Variants in UIMC1 observed in about 807,000 individuals in gnomAD.
UIMC1 encodes BRCA1-A complex subunit RAP80.
Under a neutral mutation model 84.9 loss-of-function variants are expected in UIMC1, and 42 were observed. That is an observed-to-expected ratio of 0.49 (90% CI 0.39 to 0.64). The LOEUF (loss-of-function observed/expected upper bound fraction) is 0.64, where lower values mean the gene tolerates loss of function less well. Among genes scored for constraint, UIMC1 ranks in the 30% least tolerant of loss-of-function variants. The probability of loss-of-function intolerance (pLI) is 0.00; values close to 1 mark genes in which losing one functional copy is unlikely to be tolerated. For synonymous variants in UIMC1, 281 were observed against 293.0 expected, an observed-to-expected ratio of 0.96 and a Z score of 0.42; for missense variants, 825 against 847.6, an observed-to-expected ratio of 0.97 and a Z score of 0.33.
intron 10 of UIMC1, among the ~76,000 whole-genome samples, chr5:176,942,929 G>C (rs1764619666): frequency 6.6e-6 from 1 of 152,066 alleles, no homozygotes; most frequent in African/African-American, 2.4e-5. Flanking sequence ...AGGCATGGTG[G>C]CGCAAGCCTG....
intron 10 of UIMC1, among the ~76,000 whole-genome samples, chr5:176,920,775 T>A (rs1416255397): frequency 6.6e-6 from 1 of 152,234 alleles, no homozygotes; most frequent in Non-Finnish European, 1.5e-5. Flanking sequence ...TTTTATTTCA[T>A]CTCTTTCCTA....
In UIMC1 at chr5:176,955,909, A is replaced by G; in HGVS notation, c.1339+50T>C. The G allele has an allele frequency of 1.9e-6, 3 of 1,572,438 alleles. No homozygotes were observed. The East Asian group carries it at 6.7e-5, about 35-fold the overall frequency. ...GTCAGAGGAAAATTAATAGGCATGAAAAGGTAAATAGGTATCAGAAATTCA... is the reference window on the plus strand; with the variant it reads ...GTCAGAGGAAAATTAATAGGCATGAGAAGGTAAATAGGTATCAGAAATTCA... On this transcript the variant is annotated intron_variant, in intron 8 of 14. Transcript: ENST00000511320.
At chr5:176,968,385 AT>A (rs1262196620) in intron 6 of UIMC1, among the ~76,000 whole-genome samples, 169 bp downstream of exon 6, 1 of 152,040 alleles carries the variant, frequency 6.6e-6, no homozygotes, top group Non-Finnish European at 1.5e-5. Context: ...AAAAAAAAAA[AT>A]GGTAGTTTTT....
At chr5:176,990,840 A>AT (rs200609413) in intron 1 of UIMC1, among the ~76,000 whole-genome samples, 39 of 147,448 alleles carry the variant, frequency 2.6e-4, no homozygotes, top group East Asian at 9.8e-4. Flanking sequence ...CACTCAGCTA[A>AT]TTTTTTTTTT....
chr5:176,919,020 A>G (rs888406108), intron 10 of UIMC1: 2 of 172,766 alleles, frequency 1.2e-5, no homozygotes, highest in South Asian at 1.9e-4. Context: ...CCCAGGTACT[A>G]TTTCACATCT....
Position 176,911,175 on chromosome 5 carries a change from G to T in UIMC1, c.1676+136C>A, listed in dbSNP as rs200709054. 5.1e-4 allele frequency: 85 copies of T among 167,560 alleles called. 6 individuals are homozygous for T. Among genetic ancestry groups the T allele is most frequent in the Middle Eastern group, 1.7e-3 (2 of 1,212 alleles). 10.4% of individuals were successfully genotyped at this position (167,560 alleles called of 1,614,324 possible). A position where few individuals can be genotyped will look rare whatever the true frequency, so the allele number is the denominator to read the frequency against. ...GAAAAGAAAAGAAAAGAAAAGAAAA[G>T]AAAATTCAGGCATCCAAGCAATGAA... On this transcript the variant is annotated intron_variant, in intron 11 of 14. Transcript: ENST00000511320.
intron 1 of UIMC1, among the ~76,000 whole-genome samples, chr5:177,003,059 T>A (rs150092642): frequency 3.3e-5 from 5 of 152,154 alleles, no homozygotes; most frequent in African/African-American, 1.2e-4. Flanking sequence ...AAGTGTATAT[T>A]TAAATTATTA....
chr5:176,984,096 T>C (rs1300521575), intron 1 of UIMC1, among the ~76,000 whole-genome samples: 13 of 55,058 alleles, frequency 2.4e-4, no homozygotes, highest in Admixed American at 6.9e-4. Context: ...AAGTGAGGAG[T>C]GCCTCTGCCC....
chr5:176,995,787 G>A (rs1307778973), intron 1 of UIMC1, among the ~76,000 whole-genome samples: 1 of 144,114 alleles, frequency 6.9e-6, no homozygotes, highest in Non-Finnish European at 1.5e-5. Flanking sequence ...AGGTTGCGGT[G>A]AGCCGAGATC....
intron 10 of UIMC1, among the ~76,000 whole-genome samples, chr5:176,923,764 T>C (rs1004422104): frequency 6.6e-6 from 1 of 150,586 alleles, no homozygotes; most frequent in African/African-American, 2.4e-5. Context: ...CTCAGGAGGC[T>C]GAGGCAAGAG....
chr5:176,925,165 C>A lies in UIMC1; in HGVS notation c.1598-13776G>T, dbSNP rs1762235685. 2.0e-5 allele frequency among the ~76,000 whole-genome samples: 3 copies of A among 151,944 alleles called. No individual in the cohort carries two copies. In the South Asian group the frequency reaches 6.2e-4, roughly 32 times the overall value. ...AACTCCTATCTCAATAATAAAAAGC[C>A]ACATAATCCAATTTTAAAATGGACA... is the stretch of plus-strand genomic sequence containing the variant. On this transcript the variant is annotated intron_variant, in intron 10 of 14. Coordinates refer to ENST00000511320, the MANE Select transcript of UIMC1 (RefSeq NM_001199298.2).
chr5:177,008,669 G>T (rs1775477451), upstream of UIMC1, among the ~76,000 whole-genome samples: 1 of 152,150 alleles, frequency 6.6e-6, no homozygotes, highest in Non-Finnish European at 1.5e-5. Context: ...CAGCCTGTAA[G>T]ATGGCCCTAG....
intron 10 of UIMC1, among the ~76,000 whole-genome samples, chr5:176,928,807 T>C (rs1238503006): frequency 6.6e-6 from 1 of 151,654 alleles, no homozygotes; most frequent in African/African-American, 2.4e-5. Context: ...AAAAATTAGC[T>C]GGGCATGGTG....
rs1486363498 is a variant in UIMC1, at chr5:176,913,118, C to T, written c.1598-1729G>A. Among the ~76,000 whole-genome samples, 6 of 152,186 alleles carry T rather than the reference C, an allele frequency of 3.9e-5. No individual in the cohort carries two copies. The East Asian group carries it at 1.2e-3, about 29-fold the overall frequency. On this transcript the variant is annotated intron_variant, in intron 10 of 14. Transcript: ENST00000511320. The stretch of plus-strand genomic sequence containing the variant: ...GTCACCTCTTTGAACACTTAACAAG[C>T]TGCATTACAACATCTTGGATTTACT...
At chr5:176,923,585 C>T (rs1219915823) in intron 10 of UIMC1, among the ~76,000 whole-genome samples, 5 of 149,728 alleles carry the variant, frequency 3.3e-5, no homozygotes, top group East Asian at 2.0e-4. Flanking sequence ...AAAATAAGGT[C>T]GGGCACGGTG....
At chr5:176,963,520 T>A (rs531879140) in intron 6 of UIMC1, among the ~76,000 whole-genome samples, 20 of 140,354 alleles carry the variant, frequency 1.4e-4, no homozygotes, top group South Asian at 2.3e-4. Flanking sequence ...AACTCCATCT[T>A]TAAAAAAAAA....
At chr5:176,926,650 A>G (rs1762418928) in intron 10 of UIMC1, among the ~76,000 whole-genome samples, 3 of 151,972 alleles carry the variant, frequency 2.0e-5, no homozygotes. Flanking sequence ...CAACAACAAC[A>G]ACAACAACAA....
At chr5:176,935,867 T>G (rs2149431480) in intron 10 of UIMC1, among the ~76,000 whole-genome samples, 2 of 152,268 alleles carry the variant, frequency 1.3e-5, no homozygotes, top group East Asian at 3.9e-4. Flanking sequence ...TCCTCCTACC[T>G]ACCCACCCAT....
At position 176,905,483 on chromosome 5, in the gene UIMC1, T is replaced by A; in HGVS notation, c.1959A>T (p.Ser653=). The A allele has an allele frequency of 6.2e-7, 1 of 1,613,770 alleles. No individual in the cohort carries two copies. Residue 653 remains serine, a synonymous_variant, in exon 15 of 15, where the codon TCA becomes TCT. Coordinates refer to ENST00000511320, the MANE Select transcript of UIMC1 (RefSeq NM_001199298.2). Reference sequence around the variant, plus strand: ...TGCAGCCTGCCTCTTCCATCCCTGGTGAAGGCACCCTAGAGAGAAGGAAAA... The same window carrying A: ...TGCAGCCTGCCTCTTCCATCCCTGGAGAAGGCACCCTAGAGAGAAGGAAAA... ...SSETGAFRVP[S]PGMEEAGCSR...
Sources: allele counts gnomAD v4.1 joint callset (sites outside exome capture counted in the v4.1 genomes callset), GRCh38; gene constraint gnomAD v4.1.1; transcripts MANE v1.5; gene names NCBI Gene and HGNC (gene_info 2026-07-23, HGNC 2026-07-21).